Variants in LVRN observed in about 807,000 individuals in gnomAD.
LVRN encodes the protein laeverin.
A neutral mutation model predicts 111.4 loss-of-function variants in LVRN; 99 were observed. That is an observed-to-expected ratio of 0.89 (90% confidence interval 0.76 to 1.05). The LOEUF (loss-of-function observed/expected upper bound fraction) is 1.05. LVRN is among the 50% of genes least tolerant of loss of function. LVRN has a pLI of 0.00. For missense variants in LVRN, 1,414 were observed against 1,206.8 expected, an observed-to-expected ratio of 1.17 and a Z score of -2.54; for synonymous variants, 488 against 449.5, an observed-to-expected ratio of 1.09 and a Z score of -1.08.
chr5:115,981,087 G>A (rs950299085), intron 1 of LVRN, among the ~76,000 whole-genome samples: 10 of 152,056 alleles, frequency 6.6e-5, no homozygotes, highest in South Asian at 2.1e-4. Context: ...TCCTCTTCAC[G>A]CCTGTTCTTT....
intron 6 of LVRN, among the ~76,000 whole-genome samples, chr5:115,994,529 T>A (rs1275918303): frequency 6.6e-6 from 1 of 152,202 alleles, no homozygotes; most frequent in Non-Finnish European, 1.5e-5. Flanking sequence ...AGCCTCGGCC[T>A]CCCAAAGTGC....
chr5:116,016,894 C>G (rs1045341293), intron 18 of LVRN, among the ~76,000 whole-genome samples: 3 of 152,036 alleles, frequency 2.0e-5, no homozygotes, highest in African/African-American at 7.2e-5. Context: ...ACATTTAGGC[C>G]TTGTTTTCTT....
rs1454293679 is a variant in LVRN, at chr5:116,014,490, G to T, written c.2413G>T (p.Glu805Ter). ...GLEDCLQLSK[E>*]LFAKWVDHPE... ...TGAAGACTGCCTTCAGCTGTCAAAA[G>T]AACTTTTCGCAAAATGGGTGGATCA... is the stretch of plus-strand genomic sequence containing the variant. The change falls in exon 16 of 20, where the codon GAA becomes TAA. Residue 805 changes from glutamate (E) to a stop codon, truncating the protein, a stop_gained. Coordinates refer to ENST00000357872, the MANE Select transcript of LVRN (RefSeq NM_173800.5). LOFTEE classifies it high-confidence loss of function. The T allele has an allele frequency of 1.2e-6, 2 of 1,613,566 alleles. No individual in the cohort carries two copies. The highest frequency in any genetic ancestry group is 1.1e-5 in the South Asian group (1 of 91,042).
chr5:116,006,452 T>C (rs1398878761), intron 13 of LVRN, among the ~76,000 whole-genome samples: 2 of 152,162 alleles, frequency 1.3e-5, no homozygotes, highest in African/African-American at 4.8e-5. Context: ...TTCCTCCTTT[T>C]TCCCTCTGTG....
chr5:116,024,124 G>A (rs143688841), intron 19 of LVRN, among the ~76,000 whole-genome samples: 242 of 152,160 alleles, frequency 1.6e-3, no homozygotes, highest in African/African-American at 5.5e-3. Context: ...CCCTTTTTTG[G>A]GTAGAAGAAA....
At chr5:115,964,209 C>G (rs567620658) in intron 1 of LVRN, among the ~76,000 whole-genome samples, 34 of 152,304 alleles carry the variant, frequency 2.2e-4, no homozygotes, top group African/African-American at 7.9e-4. Context: ...TGTCCACTCA[C>G]ACACTGGTGG....
chr5:115,988,205 C>G (rs1465649860), intron 4 of LVRN, among the ~76,000 whole-genome samples: 5 of 152,190 alleles, frequency 3.3e-5, no homozygotes, highest in Non-Finnish European at 7.3e-5. Context: ...TGGCAGCCTC[C>G]CGTCCTCTAG....
At chr5:115,970,835 T>A (rs186135267) in intron 1 of LVRN, among the ~76,000 whole-genome samples, 1 of 152,252 alleles carries the variant, frequency 6.6e-6, no homozygotes. Context: ...CTTCCAGGAA[T>A]ACTCATATAC....
intron 3 of LVRN, among the ~76,000 whole-genome samples, chr5:115,985,622 C>A (rs908280398): frequency 5.9e-5 from 9 of 152,202 alleles, no homozygotes; most frequent in African/African-American, 1.7e-4. Flanking sequence ...AAAATAAAGT[C>A]ACTCTTGTCC....
intron 1 of LVRN, among the ~76,000 whole-genome samples, chr5:115,968,144 T>C (rs1300705101): frequency 6.6e-6 from 1 of 152,226 alleles, no homozygotes; most frequent in African/African-American, 2.4e-5. Context: ...GTGGTAAGAA[T>C]GAACATTCTT....
intron 5 of LVRN, 64 bp downstream of exon 5, chr5:115,992,341 G>A: frequency 1.9e-6 from 3 of 1,573,146 alleles, no homozygotes; most frequent in Non-Finnish European, 2.6e-6. Context: ...TACCAAAATA[G>A]CATAAAAACC....
intron 2 of LVRN, 117 bp downstream of exon 2, chr5:115,983,546 A>G: frequency 1.7e-6 from 2 of 1,150,194 alleles, no homozygotes; most frequent in Non-Finnish European, 2.3e-6. Context: ...ACAGTCTACT[A>G]TAATTAGGTA....
rs1747889400 is a variant in LVRN, at chr5:115,987,239, A to G, written c.979-574A>G. ...TTGGCAATAGAAAAACAAGAGAATT[A>G]TAATTCACTTGCTTTGACAGTTTTA... On this transcript the variant is annotated intron_variant, in intron 3 of 19. Coordinates refer to ENST00000357872, the MANE Select transcript of LVRN (RefSeq NM_173800.5). Among the ~76,000 whole-genome samples the G allele has an allele frequency of 3.3e-5, 5 of 152,234 alleles. 1 individual carries two copies. The highest frequency in any genetic ancestry group is 3.3e-4 in the Admixed American group (5 of 15,284).
chr5:116,026,791 TC>T lies in LVRN; in HGVS notation c.*675del, dbSNP rs1748876584. ...CACAAAAAGACAAATGATTGTAGGA[TC>T]CATGGAAGTGCACTTAGGCTTGCTG... On this transcript the variant is annotated 3_prime_UTR_variant, in exon 20 of 20. Transcript: ENST00000357872. The T allele has an allele frequency of 6.5e-6, 1 of 152,772 alleles. No individual in the cohort carries two copies. The highest frequency in any genetic ancestry group is 2.4e-5 in the African/African-American group (1 of 41,440). 9.5% of individuals were successfully genotyped at this position (152,772 alleles called of 1,614,324 possible).
At chr5:115,975,212 T>A in intron 1 of LVRN, 1 of 483,198 alleles carries the variant, frequency 2.1e-6, no homozygotes, top group Non-Finnish European at 4.1e-6. Context: ...TCTAACAAAA[T>A]CTTCATTATC....
At chr5:115,989,657 T>C (rs1481538813) in intron 4 of LVRN, among the ~76,000 whole-genome samples, 2 of 152,208 alleles carry the variant, frequency 1.3e-5, no homozygotes, top group Admixed American at 1.3e-4. Context: ...TACATGTGAC[T>C]AGTTCAGTAA....
intron 4 of LVRN, among the ~76,000 whole-genome samples, 171 bp from the exon 5 acceptor site, chr5:115,991,952 T>C (rs1748000907): frequency 6.6e-6 from 1 of 152,226 alleles, no homozygotes; most frequent in Non-Finnish European, 1.5e-5. Context: ...AAATAATTTA[T>C]TTGCTGGCTT....
intron 1 of LVRN, among the ~76,000 whole-genome samples, chr5:115,964,852 T>C (rs1412796662): frequency 1.3e-5 from 2 of 152,222 alleles, no homozygotes; most frequent in East Asian, 1.9e-4. Context: ...AGCTCCAAAA[T>C]TGTGATGTTT....
At chr5:115,996,151 A>G (rs1748105765) in intron 6 of LVRN, among the ~76,000 whole-genome samples, 1 of 152,196 alleles carries the variant, frequency 6.6e-6, no homozygotes, top group East Asian at 1.9e-4. Context: ...AACTCTGTGG[A>G]TAGAGTAAAT....
Sources: allele counts gnomAD v4.1 joint callset (sites outside exome capture counted in the v4.1 genomes callset), GRCh38; gene constraint gnomAD v4.1.1; transcripts MANE v1.5; gene names NCBI Gene and HGNC (gene_info 2026-07-23, HGNC 2026-07-21).